LIN9: variants seen among roughly 807,000 people sequenced by gnomAD.
The protein encoded by LIN9 is lin-9 DREAM MuvB core complex component, also known as protein lin-9 homolog.
Under a neutral mutation model 78.0 loss-of-function variants are expected in LIN9, and 18 were observed. The ratio of observed to expected loss-of-function variants is 0.23; its 90% CI spans 0.16 to 0.34. The LOEUF (loss-of-function observed/expected upper bound fraction) is 0.34, where lower values mean the gene tolerates loss of function less well. LIN9 is among the 10% of genes least tolerant of loss of function. The pLI is 1.00. For missense variants in LIN9, 451 were observed against 644.1 expected (o/e 0.70, Z 3.25); for synonymous variants, 192 against 215.2 (o/e 0.89, Z 0.94).
At chr1:226,275,224 A>G (rs1049751209) in intron 7 of LIN9, among the ~76,000 whole-genome samples, 1 of 152,238 alleles carries the variant, frequency 6.6e-6, no homozygotes, top group East Asian at 1.9e-4. Flanking sequence ...TATAATTTCC[A>G]TAAGTCACAA....
chr1:226,264,042 C>G (rs1159895271), intron 10 of LIN9, among the ~76,000 whole-genome samples: 5 of 152,042 alleles, frequency 3.3e-5, no homozygotes, highest in Non-Finnish European at 7.4e-5. Context: ...CACCCCTGTA[C>G]TCCAGCCTGG....
chr1:226,279,603 A>C (rs1286505863), intron 6 of LIN9, among the ~76,000 whole-genome samples: 1 of 143,388 alleles, frequency 7.0e-6, no homozygotes, highest in Non-Finnish European at 1.5e-5. Flanking sequence ...TTTCTGCCAA[A>C]AATACAAAAA....
chr1:226,289,599 C>T (rs1473862896), intron 4 of LIN9, among the ~76,000 whole-genome samples: 2 of 151,934 alleles, frequency 1.3e-5, no homozygotes, highest in East Asian at 1.9e-4. Flanking sequence ...TGGGCTCAAG[C>T]GATCTTCCTG....
At chr1:226,276,022 T>C (rs1660634796) in intron 7 of LIN9, among the ~76,000 whole-genome samples, 1 of 152,166 alleles carries the variant, frequency 6.6e-6, no homozygotes, top group Non-Finnish European at 1.5e-5. Flanking sequence ...AGCAAGACTT[T>C]GTCTCAAAAA....
intron 11 of LIN9, among the ~76,000 whole-genome samples, chr1:226,247,448 A>T (rs1162712281): frequency 2.0e-5 from 3 of 152,106 alleles, no homozygotes; most frequent in African/African-American, 7.2e-5. Context: ...AAGAGGACTT[A>T]AAGTTTGCCA....
intron 3 of LIN9, among the ~76,000 whole-genome samples, chr1:226,297,025 C>T (rs960293437): frequency 3.9e-5 from 6 of 152,124 alleles, no homozygotes; most frequent in Non-Finnish European, 8.8e-5. Flanking sequence ...ATTAAACCCA[C>T]TCAGAGTCTT....
At position 226,250,984 on chromosome 1, in the gene LIN9, A is replaced by C. The variant is rs908966715; in HGVS notation, c.1039-65T>G. 9 of 766,302 alleles carry C rather than the reference A, an allele frequency of 1.2e-5. No homozygotes were observed. In the African/African-American group the frequency reaches 1.2e-4, roughly 10 times the overall value. 47.5% of individuals were successfully genotyped at this position (766,302 alleles called of 1,614,324 possible). ...ATTTAGGTATATTGGTTAGACATTAAATTTCCAATATTTTAGTAAGATACT... is the reference window on the plus strand; with the variant it reads ...ATTTAGGTATATTGGTTAGACATTACATTTCCAATATTTTAGTAAGATACT... On this transcript the variant is annotated intron_variant, in intron 10 of 14. Transcript: ENST00000681046.
At chr1:226,297,661 A>G in intron 3 of LIN9, 58 bp downstream of exon 3, 4 of 1,215,458 alleles carry the variant, frequency 3.3e-6, no homozygotes, top group South Asian at 1.6e-5. Flanking sequence ...ACACATGACA[A>G]TAATACAGAC....
intron 7 of LIN9, among the ~76,000 whole-genome samples, chr1:226,270,791 C>T (rs893378672): frequency 1.5e-5 from 2 of 133,500 alleles, no homozygotes; most frequent in Non-Finnish European, 3.1e-5. Context: ...TACCACTGCA[C>T]TCCAGCCTGG....
At chr1:226,236,421 A>G (rs1657712587) in intron 12 of LIN9, among the ~76,000 whole-genome samples, 1 of 151,896 alleles carries the variant, frequency 6.6e-6, no homozygotes, top group African/African-American at 2.4e-5. Flanking sequence ...GTAATCATAC[A>G]TTATATATTC....
At chr1:226,286,724 T>A (rs1342202131) in intron 5 of LIN9, among the ~76,000 whole-genome samples, 3 of 152,192 alleles carry the variant, frequency 2.0e-5, no homozygotes, top group African/African-American at 4.8e-5. Context: ...TTTGGGAGGC[T>A]ATCGTGGCCC....
intron 1 of LIN9, among the ~76,000 whole-genome samples, chr1:226,303,579 A>G (rs899913655): frequency 1.3e-5 from 2 of 152,066 alleles, no homozygotes; most frequent in African/African-American, 4.8e-5. Flanking sequence ...AATCACCTTT[A>G]ACCTTTTTTT....
At position 226,272,548 on chromosome 1, in the gene LIN9, T is replaced by C. The variant is rs1324383433; in HGVS notation, c.683-4458A>G. On this transcript the variant is annotated intron_variant, in intron 7 of 14. Coordinates refer to ENST00000681046, the MANE Select transcript of LIN9 (RefSeq NM_001366245.2). ...CACTACCATGCTTGACCTTTTTTTTTTTTTTTTTTTTAATGTTTGTAGAGA... is the reference window on the plus strand; with the variant it reads ...CACTACCATGCTTGACCTTTTTTTTCTTTTTTTTTTTAATGTTTGTAGAGA... Among the ~76,000 whole-genome samples the C allele has an allele frequency of 2.0e-5, 3 of 150,700 alleles. No individual in the cohort carries two copies. In the East Asian group the frequency reaches 5.8e-4, roughly 29 times the overall value.
At chr1:226,297,667 C>T (rs1662241044) in intron 3 of LIN9, 52 bp downstream of exon 3, 2 of 1,274,700 alleles carry the variant, frequency 1.6e-6, no homozygotes, top group African/African-American at 1.5e-5. Context: ...GACAATAATA[C>T]AGACAACTTA....
chr1:226,265,871 G>A lies in LIN9; in HGVS notation c.937-237C>T, dbSNP rs1264475476. On this transcript the variant is annotated intron_variant, in intron 9 of 14. Coordinates refer to ENST00000681046, the MANE Select transcript of LIN9 (RefSeq NM_001366245.2). The surrounding 1 kb of genome is among the most constrained non-coding windows in gnomAD (Gnocchi z 4.1). ...TTTTTGTATTTTTAGCAGAGACGGC[G>A]TTTCACCATGTTGATCAGGTTGGTC... 6.6e-6 allele frequency among the ~76,000 whole-genome samples: 1 copy of A among 151,682 alleles called. No individual in the cohort carries two copies. The highest frequency in any genetic ancestry group is 1.5e-5 in the Non-Finnish European group (1 of 67,950).
chr1:226,295,471 CAT>C (rs994865097), intron 4 of LIN9, among the ~76,000 whole-genome samples: 1 of 150,832 alleles, frequency 6.6e-6, no homozygotes. Flanking sequence ...TATAAATAAA[CAT>C]ATATATATAT....
At chr1:226,237,975 G>A (rs1178682246) in intron 12 of LIN9, among the ~76,000 whole-genome samples, 2 of 150,372 alleles carry the variant, frequency 1.3e-5, no homozygotes, top group Non-Finnish European at 3.0e-5. Flanking sequence ...AAAAGAATCT[G>A]ATATCACAAA....
chr1:226,254,212 C>T (rs1659044232), intron 10 of LIN9, among the ~76,000 whole-genome samples: 1 of 152,204 alleles, frequency 6.6e-6, no homozygotes, highest in Non-Finnish European at 1.5e-5. Context: ...TCCTAGACTT[C>T]CAATCCTCCC....
At chr1:226,243,674 C>G (rs1576281526) in intron 11 of LIN9, among the ~76,000 whole-genome samples, 1 of 105,852 alleles carries the variant, frequency 9.4e-6, no homozygotes, top group Non-Finnish European at 1.7e-5. Flanking sequence ...CCAGCCTGGG[C>G]AACAGAGCGA....
Sources: gnomAD v4.1 joint callset for allele counts (sites outside exome capture counted in the v4.1 genomes callset) on GRCh38, gnomAD v4.1.1 for gene constraint, Gnocchi (gnomAD v3.1) non-coding constraint, MANE v1.5 for transcripts, NCBI Gene and HGNC (gene_info 2026-07-23, HGNC 2026-07-21) for gene names.